The following SHC3 variants were observed in gnomAD, a reference collection of about 807,000 sequenced individuals.
SHC3 encodes the protein SHC adaptor protein 3.
A neutral mutation model predicts 60.4 loss-of-function variants in SHC3; 15 were observed. The observed-to-expected ratio is 0.25, with a 90% CI of 0.17 to 0.38. The LOEUF is 0.38. Among genes scored for constraint, SHC3 ranks in the 10% least tolerant of loss-of-function variants. SHC3 has a pLI of 1.00. For missense variants in SHC3, 677 were observed against 786.1 expected, an observed-to-expected ratio of 0.86 and a Z score of 1.66; for synonymous variants, 294 against 325.9, an observed-to-expected ratio of 0.90 and a Z score of 1.05.
chr9:89,139,841 A>C (rs1370479531), intron 1 of SHC3, among the ~76,000 whole-genome samples: 1 of 152,214 alleles, frequency 6.6e-6, no homozygotes, highest in Non-Finnish European at 1.5e-5. Context: ...GAGCCTAGCT[A>C]GGGAGCATGG....
chr9:89,053,510 C>G (rs1164498002), intron 6 of SHC3, among the ~76,000 whole-genome samples: 1 of 152,214 alleles, frequency 6.6e-6, no homozygotes, highest in Non-Finnish European at 1.5e-5. Flanking sequence ...CAGCTAGGCC[C>G]TGGGGCCTCA....
chr9:89,028,341 T>C (rs1031154017), intron 11 of SHC3, among the ~76,000 whole-genome samples: 1 of 152,042 alleles, frequency 6.6e-6, no homozygotes. Flanking sequence ...TGAAATCTCA[T>C]GGTGTAAGAA....
intron 1 of SHC3, among the ~76,000 whole-genome samples, chr9:89,172,576 G>GAC (rs760737845): frequency 2.6e-3 from 355 of 135,002 alleles, no homozygotes; most frequent in Non-Finnish European, 4.2e-3. Context: ...CACACACACA[G>GAC]ACACACACAC....
intron 1 of SHC3, among the ~76,000 whole-genome samples, chr9:89,145,326 T>C (rs1443681388): frequency 1.3e-5 from 2 of 152,202 alleles, no homozygotes; most frequent in Non-Finnish European, 2.9e-5. Context: ...GAATGCCTTG[T>C]ATAGATGGAC....
intron 1 of SHC3, among the ~76,000 whole-genome samples, chr9:89,137,285 G>A (rs954947647): frequency 2.0e-5 from 3 of 152,068 alleles, no homozygotes; most frequent in Non-Finnish European, 4.4e-5. Flanking sequence ...CATGGCTAAG[G>A]GCTCAGCAAC....
At chr9:89,140,606 T>C (rs1826379672) in intron 1 of SHC3, among the ~76,000 whole-genome samples, 2 of 152,140 alleles carry the variant, frequency 1.3e-5, no homozygotes, top group South Asian at 4.1e-4. Context: ...GCAAAACAAT[T>C]TCTGATACCT....
chr9:89,025,473 C>T (rs1047149885), intron 11 of SHC3, among the ~76,000 whole-genome samples: 2 of 152,216 alleles, frequency 1.3e-5, no homozygotes, highest in South Asian at 2.1e-4. Flanking sequence ...CATCAGCCCC[C>T]AGGCCTGCAA....
rs1231809351 is a variant in SHC3, at chr9:89,029,951, T to TA, written c.1656+8041dup. On this transcript the variant is annotated intron_variant, in intron 11 of 11. Coordinates refer to ENST00000375835, the MANE Select transcript of SHC3 (RefSeq NM_016848.6). Reference sequence around the variant, plus strand: ...TAAATAACATTAAATATGAATGGATTAAAAATGCTATCAAAAGGCAGAGAT... The same window carrying TA: ...TAAATAACATTAAATATGAATGGATTAAAAAATGCTATCAAAAGGCAGAGAT... Among the ~76,000 whole-genome samples the TA allele has an allele frequency of 2.0e-5, 3 of 152,102 alleles. No individual in the cohort carries two copies. The East Asian group carries it at 5.8e-4, about 29-fold the overall frequency.
chr9:89,178,291 G>A lies in SHC3; in HGVS notation c.170C>T (p.Pro57Leu). The change falls in exon 1 of 12, where the codon CCC (proline) becomes CTC (leucine). Residue 57 changes from proline to leucine, a missense_variant. Physicochemically the swap from Pro to Leu is moderately conservative, Grantham distance 98. Transcript: ENST00000375835. The surrounding 1 kb of genome is among the most constrained non-coding windows in gnomAD (Gnocchi z 6.9). ...LVSGEALRKA[P>L]DDGPGSLGHL... Reference sequence around the variant, plus strand: ...GCCCAGGCTGCCGGGCCCATCGTCGGGCGCCTTGCGCAGCGCCTCGCCGGA... The same window carrying A: ...GCCCAGGCTGCCGGGCCCATCGTCGAGCGCCTTGCGCAGCGCCTCGCCGGA... 1 of 1,567,044 alleles carries A rather than the reference G, an allele frequency of 6.4e-7. No homozygotes were observed. Among genetic ancestry groups the A allele is most frequent in the Non-Finnish European group, 8.6e-7 (1 of 1,159,126 alleles).
chr9:89,102,651 G>A (rs774467689), intron 2 of SHC3, among the ~76,000 whole-genome samples: 2 of 152,138 alleles, frequency 1.3e-5, no homozygotes, highest in Non-Finnish European at 1.5e-5. Context: ...GATACAGTAT[G>A]TCCCCACTTA....
chr9:89,048,507 T>G (rs1824810362), intron 7 of SHC3, among the ~76,000 whole-genome samples: 1 of 151,344 alleles, frequency 6.6e-6, no homozygotes, highest in South Asian at 2.1e-4. Flanking sequence ...GGTGGAAGAG[T>G]GGGGAGTGGA....
chr9:89,090,651 T>C (rs1587721384), intron 2 of SHC3, among the ~76,000 whole-genome samples: 1 of 151,968 alleles, frequency 6.6e-6, no homozygotes, highest in Non-Finnish European at 1.5e-5. Flanking sequence ...GAGAGGTCAG[T>C]TGAGCCCATG....
At chr9:89,056,495 C>T (rs1215010347) in intron 6 of SHC3, among the ~76,000 whole-genome samples, 2 of 152,222 alleles carry the variant, frequency 1.3e-5, no homozygotes, top group African/African-American at 4.8e-5. Context: ...GCTGGGATTA[C>T]AGACATGAGC....
At chr9:89,152,229 C>T (rs964418526) in intron 1 of SHC3, among the ~76,000 whole-genome samples, 4 of 152,204 alleles carry the variant, frequency 2.6e-5, no homozygotes, top group Admixed American at 2.6e-4. Flanking sequence ...ACGGGAGAAT[C>T]CACAGTCCTG....
At chr9:89,079,489 A>G (rs1487145761) in intron 2 of SHC3, among the ~76,000 whole-genome samples, 1 of 152,210 alleles carries the variant, frequency 6.6e-6, no homozygotes, top group Non-Finnish European at 1.5e-5. Flanking sequence ...CTCCATAAAT[A>G]TTCCTGATAA....
At chr9:89,176,079 A>G (rs1193266525) in intron 1 of SHC3, among the ~76,000 whole-genome samples, 1 of 152,204 alleles carries the variant, frequency 6.6e-6, no homozygotes, top group Non-Finnish European at 1.5e-5. Flanking sequence ...ACAAGGAACC[A>G]AAACATGGAT....
chr9:89,077,346 G>A (rs1825375661), intron 3 of SHC3, among the ~76,000 whole-genome samples: 1 of 152,220 alleles, frequency 6.6e-6, no homozygotes, highest in Non-Finnish European at 1.5e-5. Context: ...ATCTCTTCCC[G>A]ACTCTGTTTT....
In SHC3 at chr9:89,140,259, C is replaced by T. The variant is rs200219992; in HGVS notation, c.475-27633G>A. ...AGTTTCTTAATTGGATTACTGGCTT[C>T]AGGGTGGAGCCCAGAGCCAGGAAAG... is the stretch of plus-strand genomic sequence containing the variant. On this transcript the variant is annotated intron_variant, in intron 1 of 11. Coordinates refer to ENST00000375835, the MANE Select transcript of SHC3 (RefSeq NM_016848.6). 9.9e-5 allele frequency among the ~76,000 whole-genome samples: 15 copies of T among 152,252 alleles called. No individual in the cohort carries two copies. In the East Asian group the frequency reaches 2.5e-3, roughly 25 times the overall value.
intron 2 of SHC3, among the ~76,000 whole-genome samples, chr9:89,105,496 A>T (rs1399767108): frequency 6.6e-6 from 1 of 152,206 alleles, no homozygotes; most frequent in East Asian, 1.9e-4. Context: ...TTTCATCTAT[A>T]AAAATGGCAT....
Sources: gnomAD v4.1 joint callset for allele counts (sites outside exome capture counted in the v4.1 genomes callset) on GRCh38, gnomAD v4.1.1 for gene constraint, Gnocchi (gnomAD v3.1) non-coding constraint, MANE v1.5 for transcripts, NCBI Gene and HGNC (gene_info 2026-07-23, HGNC 2026-07-21) for gene names.